C4orf50: variants seen among roughly 807,000 people sequenced by gnomAD.
The protein encoded by C4orf50 is uncharacterized protein C4orf50.
In C4orf50, 80 loss-of-function variants were observed where a neutral mutation model predicts 77.2. That is an observed-to-expected ratio of 1.04 (90% CI 0.87 to 1.25). The LOEUF (loss-of-function observed/expected upper bound fraction) is 1.25, where lower values mean the gene tolerates loss of function less well. C4orf50 is among the 50% of genes most tolerant of loss of function. C4orf50 has a pLI of 0.00. For missense variants in C4orf50, 1,257 were observed against 1,152.9 expected, an observed-to-expected ratio of 1.09 and a Z score of -1.31; for synonymous variants, 532 against 465.3, an observed-to-expected ratio of 1.14 and a Z score of -1.84.
intron 7 of C4orf50, among the ~76,000 whole-genome samples, chr4:5,926,409 G>A (rs555039317): frequency 6.6e-6 from 1 of 152,322 alleles, no homozygotes; most frequent in South Asian, 2.1e-4. Flanking sequence ...ACGGAAAGTG[G>A]ACCGCCGGAT....
In C4orf50 at chr4:5,958,586, C is replaced by T. The variant is rs1719098569; in HGVS notation, c.*789G>A. 6.6e-6 allele frequency: 1 copy of T among 152,192 alleles called. No individual in the cohort carries two copies. The highest frequency in any genetic ancestry group is 2.1e-4 in the South Asian group (1 of 4,828). The allele number at this position is 152,192 out of a possible 1,614,324, so 9.4% of individuals were successfully genotyped here. On this transcript the variant is annotated 3_prime_UTR_variant, in exon 34 of 34. Transcript: ENST00000531445. This position sits in a 1 kb window ranked among gnomAD's most constrained non-coding sequence, Gnocchi z 5.4. Reference sequence around the variant, plus strand: ...TGACACTTGCGTGCGTGCTGATTTACTCACAGGAGTATCTCTCCCATTGTC... The same window carrying T: ...TGACACTTGCGTGCGTGCTGATTTATTCACAGGAGTATCTCTCCCATTGTC...
At chr4:5,913,127 T>C (rs896391521) in intron 7 of C4orf50, among the ~76,000 whole-genome samples, 3 of 152,166 alleles carry the variant, frequency 2.0e-5, no homozygotes, top group African/African-American at 4.8e-5. Flanking sequence ...TGGAACCGAC[T>C]ACCTGTGTGG....
intron 7 of C4orf50, among the ~76,000 whole-genome samples, chr4:5,939,197 C>T (rs1035231131): frequency 2.6e-5 from 4 of 152,012 alleles, no homozygotes; most frequent in Admixed American, 2.0e-4. Context: ...GAGCCGAGAT[C>T]GCGCCATTGC....
chr4:5,940,083 T>G lies in C4orf50; in HGVS notation c.*2474+16818A>C, dbSNP rs1209671422. On this transcript the variant is annotated intron_variant, in intron 7 of 7. Transcript: ENST00000324058. ...TCCCTTCATAAATATTCATGACTCC[T>G]CCCATAGCTAATTAAATATGTATAT... is the stretch of plus-strand genomic sequence containing the variant. Among the ~76,000 whole-genome samples the G allele has an allele frequency of 2.6e-5, 4 of 152,204 alleles. No individual in the cohort carries two copies. In the South Asian group the frequency reaches 8.3e-4, roughly 32 times the overall value.
intron 26 of C4orf50, among the ~76,000 whole-genome samples, chr4:5,993,494 T>C (rs781728616): frequency 1.2e-4 from 18 of 152,130 alleles, no homozygotes; most frequent in Non-Finnish European, 2.5e-4. Context: ...GTGCAGGGGC[T>C]CTGGAAGCCA....
At chr4:5,966,026 A>C (rs2108768012) in intron 32 of C4orf50, among the ~76,000 whole-genome samples, 1 of 152,338 alleles carries the variant, frequency 6.6e-6, no homozygotes, top group African/African-American at 2.4e-5. Context: ...GATCCTTGGG[A>C]GCCCCATCCC....
intron 28 of C4orf50, among the ~76,000 whole-genome samples, chr4:5,982,726 A>G (rs933927914): frequency 7.9e-5 from 12 of 152,058 alleles, no homozygotes; most frequent in Admixed American, 7.2e-4. Flanking sequence ...GGAGACACAC[A>G]TGAGCTGGGA....
chr4:5,973,710 G>A (rs569422128), exon 31 of C4orf50: 48 of 1,614,006 alleles, frequency 3.0e-5, no homozygotes, highest in African/African-American at 2.7e-4. Flanking sequence ...CCAGTGCCAC[G>A]TCGTTGAGCA....
downstream of C4orf50, among the ~76,000 whole-genome samples, chr4:5,953,714 G>A (rs371500720): frequency 3.9e-5 from 6 of 152,138 alleles, no homozygotes; most frequent in East Asian, 1.2e-3. Flanking sequence ...AGCCCTGCTG[G>A]GGGGCCTGGG....
chr4:5,935,920 G>A (rs1421115324), intron 7 of C4orf50, among the ~76,000 whole-genome samples: 2 of 150,590 alleles, frequency 1.3e-5, no homozygotes, highest in Non-Finnish European at 2.9e-5. Context: ...TCAAATAGTA[G>A]AACTATTGAA....
rs548237871 is a variant in C4orf50 at position 5,905,923 on chromosome 4, C to T, written c.*2475-7735G>A. The stretch of plus-strand genomic sequence containing the variant: ...TATGCTAAGCACGGGGGCAGGGGGG[C>T]GGGGGGCAGAGGGACGGATGCCCTG... On this transcript the variant is annotated intron_variant, in intron 7 of 7. Coordinates refer to the C4orf50 transcript ENST00000324058. The surrounding 1 kb of genome is among the most constrained non-coding windows in gnomAD (Gnocchi z 5.4). 6.3e-3 allele frequency among the ~76,000 whole-genome samples: 612 copies of T among 97,860 alleles called. 1 individual carries two copies. The highest frequency in any genetic ancestry group is 8.9e-3 in the Non-Finnish European group (454 of 51,100). The allele number at this position is 97,860 out of a possible 152,430, so 64.2% of individuals were successfully genotyped here.
chr4:5,971,775 A>G (rs1719934147), intron 31 of C4orf50, among the ~76,000 whole-genome samples: 1 of 152,184 alleles, frequency 6.6e-6, no homozygotes, highest in African/African-American at 2.4e-5. Flanking sequence ...ATATTTAAAA[A>G]TTAATAGTCC....
exon 28 of C4orf50, chr4:5,989,777 T>G: frequency 6.6e-7 from 1 of 1,525,916 alleles, no homozygotes; most frequent in Non-Finnish European, 8.8e-7. Flanking sequence ...AGCATTTCCT[T>G]GCTCTCATGT....
At chr4:5,980,405 A>G in intron 28 of C4orf50, 67 bp from the exon 7 acceptor site, 1 of 1,463,470 alleles carries the variant, frequency 6.8e-7, no homozygotes, top group East Asian at 2.5e-5. Context: ...TTAGCCAACA[A>G]ACGGTACCCG....
chr4:6,004,446 GT>G, intron 25 of C4orf50, among the ~76,000 whole-genome samples: 1 of 45,106 alleles, frequency 2.2e-5, no homozygotes, highest in African/African-American at 9.5e-5. Flanking sequence ...TGATGTGATG[GT>G]AATGGTGATG....
chr4:5,964,965 G>GTGT, intron 33 of C4orf50, 59 bp downstream of exon 11: 1 of 1,541,106 alleles, frequency 6.5e-7, no homozygotes, highest in Non-Finnish European at 8.9e-7. Flanking sequence ...AGCTGTAAAT[G>GTGT]TGTTGTACTT....
chr4:5,911,375 C>G (rs1031659364), intron 7 of C4orf50, among the ~76,000 whole-genome samples: 1 of 152,224 alleles, frequency 6.6e-6, no homozygotes, highest in Non-Finnish European at 1.5e-5. Context: ...ACAACTCCAA[C>G]TATTGGGGAA....
At chr4:6,003,724 ATGGTGATGGTGATGATAG>A (rs1430743248) in intron 25 of C4orf50, among the ~76,000 whole-genome samples, 1 of 135,014 alleles carries the variant, frequency 7.4e-6, no homozygotes, top group East Asian at 2.5e-4. Flanking sequence ...GATGGTGATG[ATGGTGATGGTGATGATAG>A]TGGTGATGGT....
chr4:5,921,399 A>G (rs1266403858), intron 7 of C4orf50, among the ~76,000 whole-genome samples: 2 of 152,234 alleles, frequency 1.3e-5, no homozygotes, highest in African/African-American at 4.8e-5. Context: ...TCCAGGATAT[A>G]TATACACACA....
Sources: gnomAD v4.1 joint callset for allele counts (sites outside exome capture counted in the v4.1 genomes callset) on GRCh38, gnomAD v4.1.1 for gene constraint, Gnocchi (gnomAD v3.1) non-coding constraint, MANE v1.5 for transcripts, NCBI Gene and HGNC (gene_info 2026-07-23, HGNC 2026-07-21) for gene names.